The following RALYL variants were observed in gnomAD, a reference collection of about 807,000 sequenced individuals.
The protein encoded by RALYL is RNA-binding Raly-like protein.
In RALYL, 29 loss-of-function variants were observed where a neutral mutation model predicts 35.1. That is an observed-to-expected ratio of 0.83 (90% confidence interval 0.61 to 1.13). The LOEUF (loss-of-function observed/expected upper bound fraction) is 1.13, where lower values mean the gene tolerates loss of function less well. RALYL is among the 50% of genes most tolerant of loss of function. The pLI, the probability that RALYL is intolerant of heterozygous loss-of-function variation, is 0.00. For missense variants in RALYL, 359 were observed against 360.4 expected (o/e 1.00, Z 0.03); for synonymous variants, 120 against 127.6 (o/e 0.94, Z 0.40).
intron 1 of RALYL, among the ~76,000 whole-genome samples, chr8:84,219,743 A>G (rs923389332): frequency 6.6e-6 from 1 of 151,998 alleles, no homozygotes; most frequent in African/African-American, 2.4e-5. Context: ...ATTATTGGGT[A>G]ATAATAATTT....
intron 1 of RALYL, among the ~76,000 whole-genome samples, chr8:84,286,721 A>G (rs893186602): frequency 3.3e-5 from 5 of 152,224 alleles, no homozygotes; most frequent in Non-Finnish European, 5.9e-5. Context: ...TAAGTGGATT[A>G]AAAGATTTTC....
chr8:84,662,325 G>T (rs184289639), intron 2 of RALYL, among the ~76,000 whole-genome samples: 105 of 152,074 alleles, frequency 6.9e-4, no homozygotes, highest in African/African-American at 2.5e-3. Context: ...ATATGCTTTA[G>T]GTCCTTGATC....
intron 1 of RALYL, among the ~76,000 whole-genome samples, chr8:84,444,720 CAAT>C (rs2048688024): frequency 6.6e-6 from 1 of 151,998 alleles, no homozygotes; most frequent in Admixed American, 6.6e-5. Context: ...ATGCAAAAAA[CAAT>C]AGGAATGATC....
rs774438419 is a variant in RALYL at position 84,850,027 on chromosome 8, G to A, written c.413G>A (p.Arg138Gln). Residue 138 changes from arginine (R) to glutamine (Q), a missense_variant and splice_region_variant, in exon 5 of 9, where the codon CGG becomes CAG. Coordinates refer to ENST00000521268, the MANE Select transcript of RALYL (RefSeq NM_173848.7). ...YDYYRDDFYNRLFDYHGRVPP... is the reference protein window; with the variant it reads ...YDYYRDDFYNQLFDYHGRVPP... ...TACTACAGAGATGATTTCTACAATC[G>A]GTATGTGAATTTTTCATCCTTGTTT... 1.0e-5 allele frequency: 15 copies of A among 1,462,954 alleles called. No homozygotes were observed. The highest frequency in any genetic ancestry group is 2.5e-5 in the Admixed American group (1 of 40,522). The allele number at this position is 1,462,954 out of a possible 1,614,324, so 90.6% of individuals were successfully genotyped here.
chr8:84,753,249 A>G (rs1016537646), intron 2 of RALYL, among the ~76,000 whole-genome samples: 5 of 152,080 alleles, frequency 3.3e-5, no homozygotes, highest in Non-Finnish European at 7.4e-5. Flanking sequence ...TCCCTTTTGG[A>G]ATGGCAATGT....
chr8:84,826,831 G>A (rs73299277), intron 4 of RALYL, among the ~76,000 whole-genome samples: 2,060 of 151,592 alleles, frequency 0.014, 49 homozygotes, highest in African/African-American at 0.047. Context: ...GCCTTGCCCC[G>A]AAATATAACC....
At chr8:84,563,592 G>A (rs992913772) in intron 2 of RALYL, among the ~76,000 whole-genome samples, 49 of 151,346 alleles carry the variant, frequency 3.2e-4, no homozygotes, top group Admixed American at 1.3e-3. Flanking sequence ...AATTACCAGC[G>A]GTCGATATAG....
At chr8:84,201,306 G>A (rs954323606) in intron 1 of RALYL, among the ~76,000 whole-genome samples, 12 of 152,168 alleles carry the variant, frequency 7.9e-5, no homozygotes, top group Non-Finnish European at 1.8e-4. Context: ...GAATCAGTGA[G>A]AATTTGATGG....
chr8:84,809,753 T>C (rs573574634), intron 4 of RALYL, among the ~76,000 whole-genome samples: 12 of 152,254 alleles, frequency 7.9e-5, no homozygotes, highest in African/African-American at 2.6e-4. Flanking sequence ...TTCTAGGTTT[T>C]CTAGTTTATG....
At chr8:84,904,794 T>C (rs1489563782) in intron 8 of RALYL, among the ~76,000 whole-genome samples, 1 of 152,134 alleles carries the variant, frequency 6.6e-6, no homozygotes, top group African/African-American at 2.4e-5. Context: ...TCATAAAATT[T>C]TAACCACACT....
At chr8:84,491,965 G>T (rs2055362450) in intron 1 of RALYL, among the ~76,000 whole-genome samples, 1 of 151,740 alleles carries the variant, frequency 6.6e-6, no homozygotes, top group Non-Finnish European at 1.5e-5. Flanking sequence ...TGGGCAATTT[G>T]TGTTATCCCA....
intron 1 of RALYL, among the ~76,000 whole-genome samples, chr8:84,490,432 C>T (rs1239968996): frequency 2.0e-5 from 3 of 151,876 alleles, no homozygotes; most frequent in Non-Finnish European, 4.4e-5. Flanking sequence ...AAGGTTGTTG[C>T]CTGGAATGAT....
chr8:84,915,121 TATAAACTTCCACCCACTATA>T (rs1434612417), intron 8 of RALYL, among the ~76,000 whole-genome samples: 1 of 151,890 alleles, frequency 6.6e-6, no homozygotes, highest in Non-Finnish European at 1.5e-5. Context: ...AAACTGTTTT[TATAAACTTCCACCCACTATA>T]AGAATAAGTG....
intron 8 of RALYL, among the ~76,000 whole-genome samples, chr8:84,891,779 C>T (rs752084467): frequency 1.1e-4 from 17 of 152,200 alleles, no homozygotes; most frequent in Non-Finnish European, 2.1e-4. Context: ...TCACTGTTAT[C>T]TCCTTTCCAG....
chr8:84,897,975 G>A (rs921656661), intron 8 of RALYL, among the ~76,000 whole-genome samples: 1 of 152,328 alleles, frequency 6.6e-6, no homozygotes, highest in Non-Finnish European at 1.5e-5. Flanking sequence ...CACAAAGTCT[G>A]TGTAACATTG....
intron 1 of RALYL, among the ~76,000 whole-genome samples, chr8:84,305,350 T>A (rs1841575983): frequency 2.6e-5 from 4 of 152,200 alleles, no homozygotes. Context: ...CAACTGATAT[T>A]TATTCAGCAA....
At chr8:84,443,864 C>T (rs1034358136) in intron 1 of RALYL, among the ~76,000 whole-genome samples, 5 of 152,038 alleles carry the variant, frequency 3.3e-5, no homozygotes, top group African/African-American at 4.8e-5. Flanking sequence ...AACACAAACT[C>T]GATGATAGCA....
chr8:84,834,101 T>C (rs1206533064), intron 4 of RALYL, among the ~76,000 whole-genome samples: 2 of 152,220 alleles, frequency 1.3e-5, no homozygotes, highest in Non-Finnish European at 1.5e-5. Flanking sequence ...ATCAACTGCA[T>C]GAACTATGAA....
At chr8:84,537,165 A>C (rs1192739999) in intron 2 of RALYL, among the ~76,000 whole-genome samples, 1 of 149,122 alleles carries the variant, frequency 6.7e-6, no homozygotes, top group Admixed American at 6.7e-5. Context: ...ATATTAAAAA[A>C]AAAAAAAAAA....
Sources: gnomAD v4.1 joint callset for allele counts (sites outside exome capture counted in the v4.1 genomes callset) on GRCh38, gnomAD v4.1.1 for gene constraint, MANE v1.5 for transcripts, NCBI Gene and HGNC (gene_info 2026-07-23, HGNC 2026-07-21) for gene names.